CLPB: variants seen among roughly 807,000 people sequenced by gnomAD.
CLPB encodes ClpB family mitochondrial disaggregase, also known as mitochondrial disaggregase.
Under a neutral mutation model 78.4 loss-of-function variants are expected in CLPB, and 40 were observed. The ratio of observed to expected loss-of-function variants is 0.51; its 90% CI spans 0.40 to 0.66. The LOEUF (loss-of-function observed/expected upper bound fraction) is 0.66, where lower values mean the gene tolerates loss of function less well. CLPB is among the 30% of genes least tolerant of loss of function. CLPB has a pLI of 0.00. For missense variants in CLPB, 780 were observed against 886.9 expected (o/e 0.88, Z 1.53); for synonymous variants, 333 against 348.0 (o/e 0.96, Z 0.48).
At chr11:72,368,882 C>T (rs1197518872) in intron 4 of CLPB, among the ~76,000 whole-genome samples, 1 of 152,224 alleles carries the variant, frequency 6.6e-6, no homozygotes, top group Non-Finnish European at 1.5e-5. Context: ...TGCCCATGGA[C>T]TGGAAGTTTT....
intron 2 of CLPB, among the ~76,000 whole-genome samples, chr11:72,414,144 T>C (rs1359163897): frequency 1.3e-5 from 2 of 152,096 alleles, no homozygotes; most frequent in African/African-American, 2.4e-5. Context: ...CCCCAGGCAG[T>C]GTGTGCCAAG....
chr11:72,419,960 A>G (rs1856143698), intron 2 of CLPB, among the ~76,000 whole-genome samples: 1 of 152,224 alleles, frequency 6.6e-6, no homozygotes. Context: ...TTAATGAATA[A>G]ACGATTGAAC....
intron 5 of CLPB, among the ~76,000 whole-genome samples, chr11:72,357,637 G>A (rs988488321): frequency 6.7e-5 from 10 of 149,022 alleles, no homozygotes; most frequent in Non-Finnish European, 1.3e-4. Flanking sequence ...CAGAGGTCAC[G>A]GTAAGCCAAG....
intron 4 of CLPB, among the ~76,000 whole-genome samples, chr11:72,361,968 C>T (rs1458741347): frequency 6.6e-6 from 1 of 152,196 alleles, no homozygotes; most frequent in African/African-American, 2.4e-5. Flanking sequence ...AGGAACACAG[C>T]TGGGGCTATT....
rs759302149 is a variant in CLPB, at chr11:72,317,234, G to A, written c.874-14C>T. ...CTTCTCTTGGTACTGTGGGGAGAGA[G>A]GGCAAATGGTTGAGGGCTGCCGGGC... On this transcript the variant is annotated splice_polypyrimidine_tract_variant and intron_variant, in intron 6 of 15. Coordinates refer to ENST00000538039, the MANE Select transcript of CLPB (RefSeq NM_001258392.3). 6.3e-7 allele frequency: 1 copy of A among 1,594,020 alleles called. No individual in the cohort carries two copies. Among genetic ancestry groups the A allele is most frequent in the African/African-American group, 1.3e-5 (1 of 74,166 alleles).
At chr11:72,430,636 T>C (rs1254650638) in intron 1 of CLPB, 2 of 471,540 alleles carry the variant, frequency 4.2e-6, no homozygotes, top group African/African-American at 4.0e-5. Context: ...GCACCACGTC[T>C]TGCCTATGGT....
chr11:72,339,591 T>C (rs1465984209), intron 5 of CLPB, among the ~76,000 whole-genome samples: 1 of 152,088 alleles, frequency 6.6e-6, no homozygotes, highest in African/African-American at 2.4e-5. Context: ...GGTTTACAGA[T>C]TTTTTTTCAA....
At chr11:72,330,235 C>T (rs540786154) in intron 5 of CLPB, among the ~76,000 whole-genome samples, 1 of 142,436 alleles carries the variant, frequency 7.0e-6, no homozygotes, top group African/African-American at 3.0e-5. Flanking sequence ...TTAAATGGTT[C>T]CCCTTCTTTG....
At position 72,358,887 on chromosome 11, in the gene CLPB, A is replaced by C; in HGVS notation, c.768T>G (p.Leu256=). The C allele has an allele frequency of 6.9e-7, 1 of 1,458,398 alleles. No homozygotes were observed. Among genetic ancestry groups the C allele is most frequent in the East Asian group, 3.2e-5 (1 of 31,018 alleles). The allele number at this position is 1,458,398 out of a possible 1,614,324, so 90.3% of individuals were successfully genotyped here. A position where few individuals can be genotyped will look rare whatever the true frequency, so the allele number is the denominator to read the frequency against. Reference sequence around the variant, plus strand: ...CTCCACCTCTGCTCTCACCTCCATCAAGCAGCTCCTTGACAGTGCGGTAGT... The same window carrying C: ...CTCCACCTCTGCTCTCACCTCCATCCAGCAGCTCCTTGACAGTGCGGTAGT... ...ADDYRTVKEL[L]DGGANPLQRN... is the part of the protein sequence containing the mutation. The change falls in exon 5 of 16, where the codon CTT becomes CTG. Residue 256 remains leucine, a synonymous_variant. Coordinates refer to ENST00000538039, the MANE Select transcript of CLPB (RefSeq NM_001258392.3).
chr11:72,400,504 T>G (rs868748874), intron 3 of CLPB, among the ~76,000 whole-genome samples: 17 of 152,348 alleles, frequency 1.1e-4, no homozygotes, highest in South Asian at 2.1e-4. Flanking sequence ...AGCCATCTGA[T>G]CACTAATTGA....
At chr11:72,416,958 C>G (rs1856044854) in intron 2 of CLPB, among the ~76,000 whole-genome samples, 1 of 152,144 alleles carries the variant, frequency 6.6e-6, no homozygotes, top group Non-Finnish European at 1.5e-5. Flanking sequence ...AGAACCCTCA[C>G]ACGTTGCTTT....
chr11:72,400,116 C>T (rs949287521), intron 3 of CLPB, among the ~76,000 whole-genome samples: 2 of 152,166 alleles, frequency 1.3e-5, no homozygotes, highest in South Asian at 4.1e-4. Context: ...TCTTTCTCTA[C>T]CAAAGGACCA....
chr11:72,306,635 G>T (rs1382158201), intron 9 of CLPB, among the ~76,000 whole-genome samples: 3 of 152,184 alleles, frequency 2.0e-5, no homozygotes, highest in East Asian at 1.9e-4. Flanking sequence ...GAGGAAGGGG[G>T]ACTATAAGTA....
chr11:72,367,611 G>A (rs1292803737), intron 4 of CLPB, among the ~76,000 whole-genome samples: 1 of 152,120 alleles, frequency 6.6e-6, no homozygotes, highest in Non-Finnish European at 1.5e-5. Context: ...ACTCTTAGAG[G>A]AGGGAGGGAT....
Position 72,405,403 on chromosome 11 carries a change from C to T in CLPB, c.456-2351G>A, listed in dbSNP as rs148977983. On this transcript the variant is annotated intron_variant, in intron 2 of 15. Coordinates refer to ENST00000538039, the MANE Select transcript of CLPB (RefSeq NM_001258392.3). ...CTCTTTTGTGACTACGATCAAATTT[C>T]TTCCAGAAAAGTGCATAGGAGCATA... Among the ~76,000 whole-genome samples, 233 of 152,306 alleles carry T rather than the reference C, an allele frequency of 1.5e-3. 1 individual carries two copies. Among genetic ancestry groups the T allele is most frequent in the African/African-American group, 5.2e-3 (217 of 41,570 alleles).
chr11:72,372,775 A>G (rs1307892181), intron 4 of CLPB: 1 of 684,288 alleles, frequency 1.5e-6, no homozygotes, highest in African/African-American at 1.8e-5. Context: ...CTCCAAGAGC[A>G]TGCATTCTCT....
chr11:72,363,199 G>A (rs997067911), intron 4 of CLPB, among the ~76,000 whole-genome samples: 1 of 151,484 alleles, frequency 6.6e-6, no homozygotes, highest in East Asian at 2.0e-4. Flanking sequence ...GGGAAGGGAA[G>A]GGAGGGGAGG....
chr11:72,304,341 T>C (rs1008212272), intron 9 of CLPB: 6 of 152,216 alleles, frequency 3.9e-5, no homozygotes, highest in Non-Finnish European at 7.3e-5. Context: ...GGAGCCTACT[T>C]TACAGATGAG....
chr11:72,326,552 G>A (rs957762559), intron 6 of CLPB, among the ~76,000 whole-genome samples: 2 of 152,186 alleles, frequency 1.3e-5, no homozygotes, highest in African/African-American at 4.8e-5. Context: ...ACTACAGAGT[G>A]GTAGGTGGAG....
Sources: allele counts gnomAD v4.1 joint callset (sites outside exome capture counted in the v4.1 genomes callset), GRCh38; gene constraint gnomAD v4.1.1; transcripts MANE v1.5; gene names NCBI Gene and HGNC (gene_info 2026-07-23, HGNC 2026-07-21).